FMNL2: variants seen among roughly 807,000 people sequenced by gnomAD.
FMNL2 encodes the protein formin-like protein 2.
Under a neutral mutation model 130.2 loss-of-function variants are expected in FMNL2, and 51 were observed. The observed-to-expected ratio is 0.39, with a 90% CI of 0.31 to 0.49. The LOEUF (loss-of-function observed/expected upper bound fraction) is 0.49, where lower values mean the gene tolerates loss of function less well. Ranked by LOEUF, FMNL2 falls within the 20% of genes least tolerant of loss-of-function variation. The pLI, the probability that FMNL2 is intolerant of heterozygous loss-of-function variation, is 0.85. For missense variants in FMNL2, 977 were observed against 1,316.2 expected (o/e 0.74, Z 3.99); for synonymous variants, 465 against 467.1 (o/e 1.00, Z 0.06).
rs538897396 is a variant in FMNL2 at position 152,493,013 on chromosome 2, A to G, written c.118-28930A>G. 2.0e-5 allele frequency among the ~76,000 whole-genome samples: 3 copies of G among 152,358 alleles called. No homozygotes were observed. In the South Asian group the frequency reaches 6.2e-4, roughly 32 times the overall value. On this transcript the variant is annotated intron_variant, in intron 1 of 25. Coordinates refer to ENST00000288670, the MANE Select transcript of FMNL2 (RefSeq NM_052905.4). Reference sequence around the variant, plus strand: ...GCCAACCATAATTGTGGATAGAAATAGTAGACTCCTACTTCCTAGCCTTAA... The same window carrying G: ...GCCAACCATAATTGTGGATAGAAATGGTAGACTCCTACTTCCTAGCCTTAA...
intron 1 of FMNL2, among the ~76,000 whole-genome samples, chr2:152,419,923 G>A (rs1481263761): frequency 6.6e-6 from 1 of 152,172 alleles, no homozygotes; most frequent in East Asian, 1.9e-4. Flanking sequence ...CAAGACTAAT[G>A]CCAGGCATCA....
At chr2:152,593,924 A>AGC (rs1697614304) in intron 9 of FMNL2, among the ~76,000 whole-genome samples, 7 of 139,254 alleles carry the variant, frequency 5.0e-5, no homozygotes, top group East Asian at 4.4e-4. Flanking sequence ...AGAGAGAGAG[A>AGC]GAGCGAGAGA....
At chr2:152,398,558 C>A (rs537784400) in intron 1 of FMNL2, among the ~76,000 whole-genome samples, 5 of 152,196 alleles carry the variant, frequency 3.3e-5, no homozygotes, top group Admixed American at 1.3e-4. Context: ...ATTTTTTGAG[C>A]AATTAATATG....
chr2:152,633,545 A>G (rs1682331821), intron 21 of FMNL2, among the ~76,000 whole-genome samples: 1 of 152,176 alleles, frequency 6.6e-6, no homozygotes, highest in African/African-American at 2.4e-5. Flanking sequence ...AATGCTGCAG[A>G]AGCTGTGGTG....
At chr2:152,427,233 CAGG>C (rs1312162911) in intron 1 of FMNL2, among the ~76,000 whole-genome samples, 2 of 152,118 alleles carry the variant, frequency 1.3e-5, no homozygotes, top group Non-Finnish European at 2.9e-5. Flanking sequence ...AGTTTAAAAG[CAGG>C]AGAAGTTAAT....
intron 1 of FMNL2, 83 bp from the exon 2 acceptor site, chr2:152,521,860 T>C (rs1693109508): frequency 9.9e-7 from 1 of 1,006,430 alleles, no homozygotes; most frequent in Non-Finnish European, 1.6e-6. Flanking sequence ...CATAGTGGTA[T>C]TATTTGGTCT....
chr2:152,530,627 A>G (rs1395943034), intron 2 of FMNL2, among the ~76,000 whole-genome samples: 1 of 152,240 alleles, frequency 6.6e-6, no homozygotes, highest in East Asian at 1.9e-4. Context: ...CAAGGTTGAA[A>G]AAAGATACAT....
At position 152,335,521 on chromosome 2, in the gene FMNL2, C is replaced by A; in HGVS notation, c.-83C>A. ...CCGGGCAGGTCGCGCCTGCGGGCGG[C>A]AGCCGACCGCCGGGAGCTGTTCTGA... is the stretch of plus-strand genomic sequence containing the variant. On this transcript the variant is annotated 5_prime_UTR_variant, in exon 1 of 26. Transcript: ENST00000288670. 2 of 1,141,082 alleles carry A rather than the reference C, an allele frequency of 1.8e-6. No homozygotes were observed. The highest frequency in any genetic ancestry group is 1.6e-5 in the South Asian group (1 of 62,262). The allele number at this position is 1,141,082 out of a possible 1,614,324, so 70.7% of individuals were successfully genotyped here.
chr2:152,589,979 A>ATATATGTATATGTATG (rs1697316703), intron 9 of FMNL2, among the ~76,000 whole-genome samples: 5 of 44,494 alleles, frequency 1.1e-4, no homozygotes, highest in Admixed American at 2.6e-4. Context: ...ATATATATAT[A>ATATATGTATATGTATG]TATATGTATA....
intron 5 of FMNL2, among the ~76,000 whole-genome samples, chr2:152,559,259 G>A (rs1224140761): frequency 3.3e-5 from 5 of 152,152 alleles, no homozygotes; most frequent in Non-Finnish European, 7.3e-5. Flanking sequence ...ACCAAACGTA[G>A]TGGCACTGGA....
intron 1 of FMNL2, among the ~76,000 whole-genome samples, chr2:152,362,590 CTT>C (rs1288830978): frequency 6.8e-6 from 1 of 147,080 alleles, no homozygotes. Context: ...CCCTTGCTTG[CTT>C]TTTTTTTTGT....
At chr2:152,570,951 C>A (rs1272836848) in intron 6 of FMNL2, among the ~76,000 whole-genome samples, 1 of 152,184 alleles carries the variant, frequency 6.6e-6, no homozygotes, top group Non-Finnish European at 1.5e-5. Context: ...AAATTAAAGT[C>A]TTGCAGTAAC....
At position 152,607,501 on chromosome 2, in the gene FMNL2, A is replaced by G; in HGVS notation, c.951+88A>G. ...CACACACACACACACACACACACAC[A>G]CACACATATTTATATTACAAAGGAC... On this transcript the variant is annotated intron_variant, in intron 10 of 25. Transcript: ENST00000288670. 4 of 899,288 alleles carry G rather than the reference A, an allele frequency of 4.4e-6. No homozygotes were observed. In the South Asian group the frequency reaches 6.0e-5, roughly 14 times the overall value. 55.7% of individuals were successfully genotyped at this position (899,288 alleles called of 1,614,324 possible).
intron 1 of FMNL2, among the ~76,000 whole-genome samples, chr2:152,505,765 A>G (rs1173984091): frequency 1.3e-5 from 2 of 152,226 alleles, no homozygotes; most frequent in Non-Finnish European, 2.9e-5. Flanking sequence ...TATTTAAAAA[A>G]CTGAAACCCA....
At chr2:152,380,391 G>T (rs1186733422) in intron 1 of FMNL2, among the ~76,000 whole-genome samples, 1 of 152,188 alleles carries the variant, frequency 6.6e-6, no homozygotes, top group East Asian at 1.9e-4. Context: ...ATCTCTTTCT[G>T]ATCTTTATTA....
chr2:152,611,100 G>T (rs938250324), intron 10 of FMNL2, among the ~76,000 whole-genome samples: 8 of 152,178 alleles, frequency 5.3e-5, no homozygotes, highest in African/African-American at 1.9e-4. Flanking sequence ...CAGCACTTTG[G>T]GAGGCCCAGG....
At chr2:152,348,005 C>T (rs1475097338) in intron 1 of FMNL2, among the ~76,000 whole-genome samples, 1 of 149,504 alleles carries the variant, frequency 6.7e-6, no homozygotes, top group Non-Finnish European at 1.5e-5. Context: ...GTATTTTTTT[C>T]CCCCGGTGAT....
intron 4 of FMNL2, 26 bp from the exon 5 acceptor site, chr2:152,558,714 G>GA (rs1695362752): frequency 6.9e-6 from 10 of 1,440,246 alleles, no homozygotes; most frequent in Admixed American, 4.2e-5. Context: ...TTTCTCCAAT[G>GA]ATTTTTTTTT....
At chr2:152,571,460 C>T (rs1219049304) in intron 6 of FMNL2, among the ~76,000 whole-genome samples, 1 of 152,156 alleles carries the variant, frequency 6.6e-6, no homozygotes, top group Non-Finnish European at 1.5e-5. Flanking sequence ...GAGGGACACT[C>T]TCCAATTTGG....
Sources: gnomAD v4.1 joint callset for allele counts (sites outside exome capture counted in the v4.1 genomes callset) on GRCh38, gnomAD v4.1.1 for gene constraint, MANE v1.5 for transcripts, NCBI Gene and HGNC (gene_info 2026-07-23, HGNC 2026-07-21) for gene names.